Variants in CENPP observed in about 807,000 individuals in gnomAD.
The protein encoded by CENPP is centromere protein P.
CENPP carries 24 observed loss-of-function variants against 35.6 expected under a neutral mutation model. The ratio of observed to expected loss-of-function variants is 0.67; its 90% CI spans 0.49 to 0.95. The LOEUF is 0.95. Among genes scored for constraint, CENPP ranks in the 40% least tolerant of loss-of-function variants. The probability of loss-of-function intolerance (pLI) is 0.00; values close to 1 mark genes in which losing one functional copy is unlikely to be tolerated. For synonymous variants in CENPP, 120 were observed against 125.5 expected (o/e 0.96, Z 0.29); for missense variants, 332 against 345.3 (o/e 0.96, Z 0.31).
intron 5 of CENPP, chr9:92,510,024 T>G (rs1356164761): frequency 6.3e-7 from 1 of 1,596,588 alleles, no homozygotes; most frequent in Non-Finnish European, 8.5e-7. Context: ...ACGCATTAAC[T>G]TCTTCAGAAG....
intron 5 of CENPP, among the ~76,000 whole-genome samples, chr9:92,538,083 C>T (rs1421375762): frequency 6.6e-6 from 1 of 152,150 alleles, no homozygotes; most frequent in Non-Finnish European, 1.5e-5. Flanking sequence ...CATTTCACCT[C>T]TAGGAACCCA....
intron 5 of CENPP, among the ~76,000 whole-genome samples, chr9:92,514,210 C>G (rs1229809688): frequency 6.6e-6 from 1 of 151,506 alleles, no homozygotes; most frequent in African/African-American, 2.4e-5. Context: ...CATTCCCCCA[C>G]CTCAGCCTCC....
chr9:92,425,424 A>G (rs1051617263), intron 5 of CENPP, among the ~76,000 whole-genome samples: 1 of 152,230 alleles, frequency 6.6e-6, no homozygotes, highest in Non-Finnish European at 1.5e-5. Flanking sequence ...TCATAGAGCT[A>G]TCTCTCCTGA....
chr9:92,617,974 C>A lies in CENPP; in HGVS notation c.*4825C>A. The A allele has an allele frequency of 3.0e-6, 1 of 333,782 alleles. No individual in the cohort carries two copies. The allele number at this position is 333,782 out of a possible 1,614,324, so 20.7% of individuals were successfully genotyped here. A position where few individuals can be genotyped will look rare whatever the true frequency, so the allele number is the denominator to read the frequency against. On this transcript the variant is annotated 3_prime_UTR_variant, in exon 8 of 8. Coordinates refer to ENST00000375587, the MANE Select transcript of CENPP (RefSeq NM_001012267.3). ...ATGTGGTCAATCTATCTGTGAGCTG[C>A]AAATTAGTCTAGGGATCTAAATTTA... is the stretch of plus-strand genomic sequence containing the variant.
intron 5 of CENPP, among the ~76,000 whole-genome samples, chr9:92,496,680 C>T (rs1431619104): frequency 1.3e-5 from 2 of 152,210 alleles, no homozygotes; most frequent in African/African-American, 2.4e-5. Context: ...ACTGTGGTCA[C>T]ACCCTCTGAC....
intron 1 of CENPP, among the ~76,000 whole-genome samples, chr9:92,331,827 G>A (rs1840757033): frequency 6.6e-6 from 1 of 152,150 alleles, no homozygotes. Context: ...GCTAGGCACA[G>A]TGGCATACCT....
chr9:92,353,982 C>T (rs1470704722), intron 4 of CENPP, among the ~76,000 whole-genome samples: 1 of 152,220 alleles, frequency 6.6e-6, no homozygotes, highest in African/African-American at 2.4e-5. Context: ...GGCCATTCTA[C>T]TGTTCTGTCA....
In CENPP at chr9:92,361,081, A is replaced by G. The variant is rs113862066; in HGVS notation, c.467+15294A>G. On this transcript the variant is annotated intron_variant, in intron 4 of 7. Coordinates refer to ENST00000375587, the MANE Select transcript of CENPP (RefSeq NM_001012267.3). ...CTTTTTAGGACATGTTGCATGTATC[A>G]TGGCTCATTTCCCATAAATACTTAA... 4.9e-3 allele frequency among the ~76,000 whole-genome samples: 740 copies of G among 152,132 alleles called. 5 individuals are homozygous for G. The highest frequency in any genetic ancestry group is 0.016 in the African/African-American group (645 of 41,504).
chr9:92,383,499 A>T (rs557721861), intron 5 of CENPP, among the ~76,000 whole-genome samples: 7 of 152,326 alleles, frequency 4.6e-5, no homozygotes, highest in African/African-American at 1.7e-4. Flanking sequence ...TAAATCATTT[A>T]AAAATTTAAA....
chr9:92,386,112 T>G, intron 5 of CENPP: 1 of 1,009,384 alleles, frequency 9.9e-7, no homozygotes, highest in Non-Finnish European at 1.5e-6. Context: ...AACCAAAATT[T>G]GTATGTGAAT....
chr9:92,551,943 A>ATTG (rs1181140105), intron 5 of CENPP, among the ~76,000 whole-genome samples: 1 of 107,702 alleles, frequency 9.3e-6, no homozygotes, highest in African/African-American at 3.7e-5. Flanking sequence ...ATATATATAT[A>ATTG]TATATATATG....
intron 5 of CENPP, among the ~76,000 whole-genome samples, chr9:92,473,563 G>A (rs188259362): frequency 1.3e-5 from 2 of 152,214 alleles, no homozygotes; most frequent in African/African-American, 4.8e-5. Context: ...TCTTGTTCCT[G>A]ATGCTGTTTC....
At chr9:92,554,248 A>G (rs576149137) in intron 5 of CENPP, among the ~76,000 whole-genome samples, 109 of 152,138 alleles carry the variant, frequency 7.2e-4, no homozygotes, top group Admixed American at 1.4e-3. Flanking sequence ...CAATGGCACA[A>G]TCTTGGCTCA....
At chr9:92,444,192 TA>T (rs1844493075) in intron 5 of CENPP, among the ~76,000 whole-genome samples, 2 of 152,222 alleles carry the variant, frequency 1.3e-5, no homozygotes, top group African/African-American at 4.8e-5. Context: ...AATCATAGCA[TA>T]TAATTTACAT....
At position 92,613,244 on chromosome 9, in the gene CENPP, A is replaced by G; in HGVS notation, c.*95A>G. ...ATTTGCTATTTTCTGCTTAGAAACCACACCCTGAAGACGTGCTGTCTATGC... is the reference window on the plus strand; with the variant it reads ...ATTTGCTATTTTCTGCTTAGAAACCGCACCCTGAAGACGTGCTGTCTATGC... On this transcript the variant is annotated 3_prime_UTR_variant, in exon 8 of 8. Coordinates refer to ENST00000375587, the MANE Select transcript of CENPP (RefSeq NM_001012267.3). 1 of 1,481,398 alleles carries G rather than the reference A, an allele frequency of 6.8e-7. No homozygotes were observed. The highest frequency in any genetic ancestry group is 1.7e-5 in the Admixed American group (1 of 58,564). 91.8% of individuals were successfully genotyped at this position (1,481,398 alleles called of 1,614,324 possible). A position where few individuals can be genotyped will look rare whatever the true frequency, so the allele number is the denominator to read the frequency against.
intron 5 of CENPP, among the ~76,000 whole-genome samples, chr9:92,490,211 G>A (rs1163956524): frequency 1.3e-5 from 2 of 152,162 alleles, no homozygotes; most frequent in African/African-American, 4.8e-5. Flanking sequence ...TTTTGTGCAC[G>A]AAGAAACTAG....
At chr9:92,362,618 C>T (rs1429795636) in intron 4 of CENPP, among the ~76,000 whole-genome samples, 1 of 152,168 alleles carries the variant, frequency 6.6e-6, no homozygotes, top group Admixed American at 6.5e-5. Context: ...TCTCCTTTGG[C>T]TCCAATATGC....
intron 5 of CENPP, among the ~76,000 whole-genome samples, chr9:92,553,687 G>A (rs1243696917): frequency 1.3e-5 from 2 of 152,050 alleles, no homozygotes; most frequent in East Asian, 1.9e-4. Context: ...ATTGTAAAAG[G>A]GATTGAGTTC....
intron 5 of CENPP, among the ~76,000 whole-genome samples, chr9:92,411,090 A>G (rs1588110601): frequency 6.6e-6 from 1 of 151,508 alleles, no homozygotes; most frequent in Non-Finnish European, 1.5e-5. Flanking sequence ...CTCCTGCCTC[A>G]GCCTCCTGAG....
Sources: allele counts gnomAD v4.1 joint callset (sites outside exome capture counted in the v4.1 genomes callset), GRCh38; gene constraint gnomAD v4.1.1; transcripts MANE v1.5; gene names NCBI Gene and HGNC (gene_info 2026-07-23, HGNC 2026-07-21).